Variants in NTF3 observed in about 807,000 individuals in gnomAD.
The protein encoded by NTF3 is neurotrophin-3.
NTF3 carries 8 observed loss-of-function variants against 26.3 expected under a neutral mutation model. The observed-to-expected ratio is 0.30, with a 90% CI of 0.18 to 0.55. The LOEUF is 0.55. Among genes scored for constraint, NTF3 ranks in the 20% least tolerant of loss-of-function variants. The probability of loss-of-function intolerance (pLI) is 0.93; values close to 1 mark genes in which losing one functional copy is unlikely to be tolerated. For missense variants in NTF3, 276 were observed against 352.9 expected (o/e 0.78, Z 1.75); for synonymous variants, 154 against 145.5 (o/e 1.06, Z -0.42).
At chr12:5,469,368 T>C (rs1940635745) in intron 1 of NTF3, among the ~76,000 whole-genome samples, 1 of 152,050 alleles carries the variant, frequency 6.6e-6, no homozygotes, top group Non-Finnish European at 1.5e-5. Flanking sequence ...CGGCAGAGCT[T>C]AGACACCTGC....
At chr12:5,475,916 G>GA (rs1940718257) in intron 1 of NTF3, among the ~76,000 whole-genome samples, 1 of 87,508 alleles carries the variant, frequency 1.1e-5, no homozygotes, top group African/African-American at 2.9e-5. Context: ...AAGAAAGAAA[G>GA]AGAGAAAGAG....
At chr12:5,445,213 G>A (rs1940288740) in intron 1 of NTF3, among the ~76,000 whole-genome samples, 1 of 151,464 alleles carries the variant, frequency 6.6e-6, no homozygotes, top group African/African-American at 2.4e-5. Flanking sequence ...AGATGATAAA[G>A]TTTCTTGGGC....
At chr12:5,463,539 G>A (rs1483554599) in intron 1 of NTF3, among the ~76,000 whole-genome samples, 1 of 152,156 alleles carries the variant, frequency 6.6e-6, no homozygotes, top group Admixed American at 6.5e-5. Context: ...GATGGTTGGG[G>A]GTGGGCGGTA....
Position 5,454,666 on chromosome 12 carries a change from C to T in NTF3, c.18+22324C>T, listed in dbSNP as rs1940415200. ...ATAACAACCAGGGAGGAAAGCATCT[C>T]ATTTTCCTTGGCTCAGTTCAGCTTT... On this transcript the variant is annotated intron_variant, in intron 1 of 1. Transcript: ENST00000423158. Among the ~76,000 whole-genome samples the T allele has an allele frequency of 2.6e-5, 4 of 152,312 alleles. No homozygotes were observed. In the South Asian group the frequency reaches 8.3e-4, roughly 32 times the overall value.
chr12:5,492,387 T>C (rs1940948777), intron 1 of NTF3, among the ~76,000 whole-genome samples: 1 of 152,248 alleles, frequency 6.6e-6, no homozygotes, highest in African/African-American at 2.4e-5. Flanking sequence ...TCCTAAATGA[T>C]TTTATTGCAG....
chr12:5,467,265 T>TAAAAAAAAAAAAAAAAAA (rs1940604144), intron 1 of NTF3, among the ~76,000 whole-genome samples: 1 of 62,142 alleles, frequency 1.6e-5, no homozygotes, highest in African/African-American at 7.2e-5. Flanking sequence ...AAAAAAAAAG[T>TAAAAAAAAAAAAAAAAAA]CGGGGGCTTG....
chr12:5,444,387 C>T (rs1940278227), intron 1 of NTF3, among the ~76,000 whole-genome samples: 1 of 152,172 alleles, frequency 6.6e-6, no homozygotes, highest in Admixed American at 6.5e-5. Context: ...GGAGAGAGAG[C>T]AGGAGTCCCC....
intron 1 of NTF3, among the ~76,000 whole-genome samples, chr12:5,449,301 C>G (rs115059015): frequency 2.0e-5 from 3 of 152,198 alleles, no homozygotes; most frequent in Admixed American, 1.3e-4. Context: ...TTCCCTCAGC[C>G]CCTCCCAGGA....
intron 1 of NTF3, among the ~76,000 whole-genome samples, chr12:5,492,220 C>G (rs1274460866): frequency 6.6e-6 from 1 of 152,194 alleles, no homozygotes; most frequent in Non-Finnish European, 1.5e-5. Flanking sequence ...TGGTCATTAC[C>G]TCACTAATCT....
upstream of NTF3, chr12:5,431,989 G>A (rs1022466659): frequency 6.7e-6 from 1 of 150,134 alleles, no homozygotes; most frequent in Non-Finnish European, 1.5e-5. Flanking sequence ...GCGCGGGCGC[G>A]CGCGGCGCGG....
intron 1 of NTF3, among the ~76,000 whole-genome samples, chr12:5,438,905 T>C (rs2121140784): frequency 6.6e-6 from 1 of 152,312 alleles, no homozygotes; most frequent in East Asian, 1.9e-4. Context: ...ACCTAATCAG[T>C]GCTAATTACC....
In NTF3 at chr12:5,433,126, C is replaced by T. The variant is rs1472794928; in HGVS notation, c.18+784C>T. On this transcript the variant is annotated intron_variant, in intron 1 of 1. Coordinates refer to ENST00000423158, the MANE Select transcript of NTF3 (RefSeq NM_001102654.2). This position sits in a 1 kb window ranked among gnomAD's most constrained non-coding sequence, Gnocchi z 4.6. Reference sequence around the variant, plus strand: ...GCCCCGGGCTCCTCTTGGCCAGCGCCCACCCGGTGGCCACCCCACCCTGGG... The same window carrying T: ...GCCCCGGGCTCCTCTTGGCCAGCGCTCACCCGGTGGCCACCCCACCCTGGG... The T allele has an allele frequency of 3.3e-5, 5 of 152,252 alleles. No homozygotes were observed. The highest frequency in any genetic ancestry group is 2.9e-5 in the Non-Finnish European group (2 of 68,078). The allele number at this position is 152,252 out of a possible 1,614,324, so 9.4% of individuals were successfully genotyped here.
At chr12:5,479,674 C>T (rs535707514) in intron 1 of NTF3, among the ~76,000 whole-genome samples, 2 of 152,324 alleles carry the variant, frequency 1.3e-5, no homozygotes, top group South Asian at 4.2e-4. Flanking sequence ...ATAGCAAAAG[C>T]CTCTCTTTAT....
intron 1 of NTF3, among the ~76,000 whole-genome samples, chr12:5,435,059 AATGAGGG>A: frequency 6.6e-6 from 1 of 152,048 alleles, no homozygotes; most frequent in Non-Finnish European, 1.5e-5. Flanking sequence ...GGAGGCTTAG[AATGAGGG>A]ATGTACATTT....
intron 1 of NTF3, among the ~76,000 whole-genome samples, chr12:5,474,436 G>A (rs1343614955): frequency 6.6e-6 from 1 of 152,202 alleles, no homozygotes; most frequent in Non-Finnish European, 1.5e-5. Flanking sequence ...GTTGTCAGGG[G>A]AGCCCTGGCA....
chr12:5,470,895 T>C (rs1465681753), intron 1 of NTF3, among the ~76,000 whole-genome samples: 1 of 152,220 alleles, frequency 6.6e-6, no homozygotes, highest in Non-Finnish European at 1.5e-5. Context: ...TAAAGTCTAT[T>C]ATTTTGAAAT....
chr12:5,466,190 A>G (rs896224691), intron 1 of NTF3, among the ~76,000 whole-genome samples: 1 of 152,172 alleles, frequency 6.6e-6, no homozygotes, highest in Non-Finnish European at 1.5e-5. Flanking sequence ...AGAGCTTTAC[A>G]TCCATCCTTG....
intron 1 of NTF3, among the ~76,000 whole-genome samples, chr12:5,481,593 C>CCACACACACATGCA (rs1256021337): frequency 8.8e-6 from 1 of 113,490 alleles, no homozygotes; most frequent in Non-Finnish European, 1.9e-5. Flanking sequence ...CAGAATAACA[C>CCACACACACATGCA]CACACACACA....
At position 5,494,711 on chromosome 12, in the gene NTF3, T is replaced by C. The variant is rs377304561; in HGVS notation, c.536T>C (p.Ile179Thr). The change falls in exon 2 of 2, where the codon ATC (isoleucine) becomes ACC (threonine). Residue 179 changes from isoleucine (I) to threonine (T), a missense_variant. Physicochemically the swap from Ile to Thr is moderately conservative, Grantham distance 89. This residue lies in a region of NTF3 where 221 missense variants were observed against 258.2 expected (regional missense o/e 0.86). Coordinates refer to ENST00000423158, the MANE Select transcript of NTF3 (RefSeq NM_001102654.2). This position sits in a 1 kb window ranked among gnomAD's most constrained non-coding sequence, Gnocchi z 8.3. Reference protein sequence around the residue: ...SLWVTDKSSAIDIRGHQVTVL... With the variant: ...SLWVTDKSSATDIRGHQVTVL... ...TGGGTGACCGACAAGTCATCGGCCA[T>C]CGACATTCGGGGACACCAGGTCACG... 3.1e-6 allele frequency: 5 copies of C among 1,614,058 alleles called. No homozygotes were observed. Among genetic ancestry groups the C allele is most frequent in the Non-Finnish European group, 4.2e-6 (5 of 1,180,024 alleles).
Sources: gnomAD v4.1 joint callset for allele counts (sites outside exome capture counted in the v4.1 genomes callset) on GRCh38, gnomAD v4.1.1 for gene constraint, gnomAD v4.1.1 regional missense constraint, Gnocchi (gnomAD v3.1) non-coding constraint, MANE v1.5 for transcripts, NCBI Gene and HGNC (gene_info 2026-07-23, HGNC 2026-07-21) for gene names.